Variants in RASAL2 observed in about 807,000 individuals in gnomAD.
The protein encoded by RASAL2 is RAS protein activator like 2, also known as ras GTPase-activating protein nGAP.
In RASAL2, 58 loss-of-function variants were observed where a neutral mutation model predicts 128.9. The ratio of observed to expected loss-of-function variants is 0.45; its 90% CI spans 0.36 to 0.56. RASAL2 has a LOEUF of 0.56. Among genes scored for constraint, RASAL2 ranks in the 20% least tolerant of loss-of-function variants. The pLI is 0.00. For missense variants in RASAL2, 1,360 were observed against 1,601.6 expected (o/e 0.85, Z 2.57); for synonymous variants, 561 against 580.8 (o/e 0.97, Z 0.49).
intron 3 of RASAL2, among the ~76,000 whole-genome samples, chr1:178,339,938 C>G (rs1315969896): frequency 6.6e-6 from 1 of 152,096 alleles, no homozygotes; most frequent in African/African-American, 2.4e-5. Flanking sequence ...TCTTCCGGTT[C>G]TGGGATTTCA....
intron 4 of RASAL2, among the ~76,000 whole-genome samples, chr1:178,406,547 ATTGAC>A (rs2102682145): frequency 6.6e-6 from 1 of 152,302 alleles, no homozygotes; most frequent in African/African-American, 2.4e-5. Context: ...ATTGAAAAAT[ATTGAC>A]TTGTTTTTTG....
chr1:178,176,804 C>A (rs1348058351), intron 1 of RASAL2, among the ~76,000 whole-genome samples: 2 of 151,916 alleles, frequency 1.3e-5, no homozygotes, highest in African/African-American at 4.8e-5. Flanking sequence ...TGCCACCATG[C>A]CTGGCTAATT....
chr1:178,371,290 A>G (rs1017624717), intron 3 of RASAL2, among the ~76,000 whole-genome samples: 11 of 149,720 alleles, frequency 7.3e-5, no homozygotes, highest in Non-Finnish European at 1.3e-4. Context: ...CAACAAGCTT[A>G]CTTCTCTTCT....
chr1:178,255,158 G>A (rs1450009012), intron 1 of RASAL2, among the ~76,000 whole-genome samples: 1 of 151,756 alleles, frequency 6.6e-6, no homozygotes, highest in Non-Finnish European at 1.5e-5. Context: ...CAAAAACTGA[G>A]ACAAATTGTC....
rs545498638 is a variant in RASAL2 at position 178,139,325 on chromosome 1, C to A, written c.202+44631C>A. On this transcript the variant is annotated intron_variant, in intron 1 of 17. Coordinates refer to ENST00000367649, the MANE Select transcript of RASAL2 (RefSeq NM_170692.4). ...AAAATGGAGCATTTCAGTTTTTGTT[C>A]TAATTGTAATTTTCAGATGATCTAC... Among the ~76,000 whole-genome samples, 8 of 126,132 alleles carry A rather than the reference C, an allele frequency of 6.3e-5. 1 individual carries two copies. In the East Asian group the frequency reaches 1.7e-3, roughly 26 times the overall value. 82.7% of individuals were successfully genotyped at this position (126,132 alleles called of 152,430 possible).
At chr1:178,299,948 G>T (rs773812529) in intron 2 of RASAL2, 44 bp from the exon 3 acceptor site, 1 of 1,598,352 alleles carries the variant, frequency 6.3e-7, no homozygotes, top group Non-Finnish European at 8.5e-7. Flanking sequence ...CGTAGTTATG[G>T]TGAGTTCACT....
chr1:178,412,962 T>TTTTC (rs557060349), intron 4 of RASAL2, among the ~76,000 whole-genome samples: 45 of 151,974 alleles, frequency 3.0e-4, no homozygotes, highest in East Asian at 9.7e-4. Flanking sequence ...TTCTCTTTCT[T>TTTTC]TTTCTTTCTT....
At chr1:178,381,052 G>A (rs1372679154) in intron 3 of RASAL2, among the ~76,000 whole-genome samples, 1 of 152,182 alleles carries the variant, frequency 6.6e-6, no homozygotes, top group Non-Finnish European at 1.5e-5. Flanking sequence ...AAGCAGGCAT[G>A]TGAGAATGAA....
chr1:178,267,805 T>G (rs76587959), intron 1 of RASAL2, among the ~76,000 whole-genome samples: 2,858 of 152,102 alleles, frequency 0.019, 34 homozygotes, highest in Non-Finnish European at 0.028. Context: ...TTCTTTTCTT[T>G]TTTCTTGGAA....
At chr1:178,463,844 G>A (rs188774805) in intron 14 of RASAL2, among the ~76,000 whole-genome samples, 2 of 151,938 alleles carry the variant, frequency 1.3e-5, no homozygotes, top group Non-Finnish European at 2.9e-5. Flanking sequence ...ATTGTGTCTG[G>A]GCTAAACAGA....
rs149717586 is a variant in RASAL2 at position 178,124,467 on chromosome 1, G to T, written c.202+29773G>T. Among the ~76,000 whole-genome samples the T allele has an allele frequency of 2.1e-3, 319 of 152,222 alleles. 5 individuals are homozygous for T. In the East Asian group the frequency reaches 0.028, roughly 14 times the overall value. On this transcript the variant is annotated intron_variant, in intron 1 of 17. Transcript: ENST00000367649. ...GTAAGTACCTAGGCTGAGAAACTCTGCCTTAGAGAAATGTTTTCTAAAATA... is the reference window on the plus strand; with the variant it reads ...GTAAGTACCTAGGCTGAGAAACTCTTCCTTAGAGAAATGTTTTCTAAAATA...
rs141735704 is a variant in RASAL2, at chr1:178,170,360, A to G, written c.202+75666A>G. On this transcript the variant is annotated intron_variant, in intron 1 of 17. Transcript: ENST00000367649. ...GGAAGTATGTAAAGATATATTATAT[A>G]TATATATTTTGGTAGTAGCATAATG... 1.7e-3 allele frequency among the ~76,000 whole-genome samples: 262 copies of G among 151,900 alleles called. 2 individuals are homozygous for G. The highest frequency in any genetic ancestry group is 3.7e-3 in the South Asian group (18 of 4,814).
intron 1 of RASAL2, among the ~76,000 whole-genome samples, chr1:178,276,873 G>A (rs1204101548): frequency 3.3e-5 from 5 of 151,862 alleles, no homozygotes; most frequent in Admixed American, 2.0e-4. Flanking sequence ...TGTTGGCCGG[G>A]CACAGTGGCT....
intron 14 of RASAL2, among the ~76,000 whole-genome samples, chr1:178,463,844 G>T (rs188774805): frequency 3.9e-5 from 6 of 152,058 alleles, no homozygotes; most frequent in Non-Finnish European, 7.4e-5. Flanking sequence ...ATTGTGTCTG[G>T]GCTAAACAGA....
intron 5 of RASAL2, among the ~76,000 whole-genome samples, chr1:178,434,394 A>T (rs946239925): frequency 6.6e-6 from 1 of 152,096 alleles, no homozygotes. Flanking sequence ...GTAGGTAAGG[A>T]TATTTTTGTC....
In RASAL2 at chr1:178,267,760, G is replaced by A. The variant is rs577130296; in HGVS notation, c.203-15804G>A. 7.9e-4 allele frequency among the ~76,000 whole-genome samples: 120 copies of A among 151,028 alleles called. 1 individual carries two copies. Among genetic ancestry groups the A allele is most frequent in the African/African-American group, 2.6e-3 (109 of 41,154 alleles). On this transcript the variant is annotated intron_variant, in intron 1 of 17. Coordinates refer to ENST00000367649, the MANE Select transcript of RASAL2 (RefSeq NM_170692.4). ...AGGATGGTCTCAATCTCCTGACCTC[G>A]TGATCACCCACCTCAGATCTAGTGT...
intron 3 of RASAL2, among the ~76,000 whole-genome samples, chr1:178,363,011 G>T (rs1671206470): frequency 6.6e-6 from 1 of 152,046 alleles, no homozygotes; most frequent in African/African-American, 2.4e-5. Flanking sequence ...CATTTCCTTT[G>T]AGTAGATACT....
intron 3 of RASAL2, among the ~76,000 whole-genome samples, chr1:178,370,520 T>G (rs942988998): frequency 6.6e-6 from 1 of 152,246 alleles, no homozygotes; most frequent in Non-Finnish European, 1.5e-5. Context: ...TTTAAACATA[T>G]GAATTCATAA....
intron 1 of RASAL2, among the ~76,000 whole-genome samples, chr1:178,165,109 G>C (rs551196627): frequency 6.6e-6 from 1 of 151,910 alleles, no homozygotes; most frequent in African/African-American, 2.4e-5. Flanking sequence ...AGTCTTGAGC[G>C]CATGGATTTT....
Sources: gnomAD v4.1 joint callset for allele counts (sites outside exome capture counted in the v4.1 genomes callset) on GRCh38, gnomAD v4.1.1 for gene constraint, MANE v1.5 for transcripts, NCBI Gene and HGNC (gene_info 2026-07-23, HGNC 2026-07-21) for gene names.